The following AUTS2 variants were observed in gnomAD, a reference collection of about 807,000 sequenced individuals.
The protein encoded by AUTS2 is activator of transcription and developmental regulator AUTS2.
A neutral mutation model predicts 112.4 loss-of-function variants in AUTS2; 17 were observed. The ratio of observed to expected loss-of-function variants is 0.15; its 90% confidence interval spans 0.10 to 0.23. AUTS2 has a LOEUF of 0.23. AUTS2 is among the 10% of genes least tolerant of loss of function. The pLI is 1.00. For synonymous variants in AUTS2, 751 were observed against 702.7 expected, an observed-to-expected ratio of 1.07 and a Z score of -1.09; for missense variants, 1,510 against 1,701.6, an observed-to-expected ratio of 0.89 and a Z score of 1.98.
chr7:70,477,100 A>G (rs905139593), intron 5 of AUTS2, among the ~76,000 whole-genome samples: 2 of 152,092 alleles, frequency 1.3e-5, no homozygotes, highest in Non-Finnish European at 2.9e-5. Context: ...ATTTATTTTG[A>G]CCTCCCAACA....
At chr7:70,037,199 CAGAG>C (rs1333651029) in intron 2 of AUTS2, among the ~76,000 whole-genome samples, 2 of 151,818 alleles carry the variant, frequency 1.3e-5, no homozygotes, top group African/African-American at 4.8e-5. Flanking sequence ...GATAAAAATA[CAGAG>C]AGAGAATAAA....
At chr7:70,332,539 G>C (rs189781232) in intron 4 of AUTS2, among the ~76,000 whole-genome samples, 1 of 152,038 alleles carries the variant, frequency 6.6e-6, no homozygotes, top group Non-Finnish European at 1.5e-5. Flanking sequence ...AGCTGGAGGC[G>C]TCATGCTACC....
intron 3 of AUTS2, among the ~76,000 whole-genome samples, chr7:70,127,742 G>T (rs1045655520): frequency 6.6e-6 from 1 of 152,116 alleles, no homozygotes; most frequent in Non-Finnish European, 1.5e-5. Flanking sequence ...CTACACAGTT[G>T]TCTACTCTTA....
intron 5 of AUTS2, among the ~76,000 whole-genome samples, chr7:70,581,322 G>T (rs553980816): frequency 3.6e-4 from 55 of 152,274 alleles, no homozygotes; most frequent in African/African-American, 1.3e-3. Context: ...GGAGGCGGAG[G>T]TTGTGGTGAG....
At chr7:69,763,780 T>C (rs1788296326) in intron 1 of AUTS2, among the ~76,000 whole-genome samples, 1 of 152,208 alleles carries the variant, frequency 6.6e-6, no homozygotes, top group African/African-American at 2.4e-5. Context: ...TGTGGTTTTG[T>C]CATCATTATT....
intron 4 of AUTS2, among the ~76,000 whole-genome samples, chr7:70,351,129 C>T (rs1296361943): frequency 6.6e-6 from 1 of 151,548 alleles, no homozygotes; most frequent in Non-Finnish European, 1.5e-5. Flanking sequence ...CGGCTCACTG[C>T]AACCTCCGCC....
rs71068015 is a variant in AUTS2 at position 70,086,640 on chromosome 7, CAA to C, written c.523-31473_523-31472del. 3.9e-3 allele frequency among the ~76,000 whole-genome samples: 324 copies of C among 83,528 alleles called. 2 individuals are homozygous for C. The highest frequency in any genetic ancestry group is 5.5e-3 in the Non-Finnish European group (226 of 41,096). The allele number at this position is 83,528 out of a possible 152,430, so 54.8% of individuals were successfully genotyped here. A position where few individuals can be genotyped will look rare whatever the true frequency, so the allele number is the denominator to read the frequency against. On this transcript the variant is annotated intron_variant, in intron 2 of 18. Coordinates refer to ENST00000342771, the MANE Select transcript of AUTS2 (RefSeq NM_015570.4). ...TGGGCAGCTGAGTGAGACTCCATCT[CAA>C]AAAAAAAAAAAAAAAAAAGTTTTGT... is the stretch of plus-strand genomic sequence containing the variant.
intron 2 of AUTS2, among the ~76,000 whole-genome samples, chr7:70,110,795 C>CT (rs1258828468): frequency 6.7e-6 from 1 of 149,496 alleles, no homozygotes; most frequent in African/African-American, 2.5e-5. Flanking sequence ...TGAAACTTGT[C>CT]TAATTGCATT....
At chr7:69,799,672 A>G (rs547698815) in intron 1 of AUTS2, among the ~76,000 whole-genome samples, 1 of 152,246 alleles carries the variant, frequency 6.6e-6, no homozygotes, top group Non-Finnish European at 1.5e-5. Context: ...ATAATCATAC[A>G]TGGAATTTCT....
chr7:70,519,052 T>C (rs1396675612), intron 5 of AUTS2, among the ~76,000 whole-genome samples: 1 of 152,052 alleles, frequency 6.6e-6, no homozygotes, highest in Non-Finnish European at 1.5e-5. Flanking sequence ...TATGGACTTT[T>C]CTCCATTAAA....
chr7:70,089,419 A>G (rs188219970), intron 2 of AUTS2, among the ~76,000 whole-genome samples: 1 of 152,134 alleles, frequency 6.6e-6, no homozygotes. Flanking sequence ...TGCTATTGAT[A>G]TAGCTATTGC....
At chr7:70,109,292 CTG>C (rs1333674032) in intron 2 of AUTS2, among the ~76,000 whole-genome samples, 1 of 152,068 alleles carries the variant, frequency 6.6e-6, no homozygotes, top group East Asian at 1.9e-4. Flanking sequence ...AAGCTGAAAA[CTG>C]TACTAAAGCA....
chr7:70,464,779 A>G (rs1314711099), intron 5 of AUTS2, among the ~76,000 whole-genome samples: 1 of 152,212 alleles, frequency 6.6e-6, no homozygotes, highest in African/African-American at 2.4e-5. Context: ...AGGTTGAGGT[A>G]GGTCTAGGTT....
At chr7:69,926,892 A>G (rs1796038128) in intron 2 of AUTS2, among the ~76,000 whole-genome samples, 1 of 146,770 alleles carries the variant, frequency 6.8e-6, no homozygotes, top group African/African-American at 2.5e-5. Flanking sequence ...AAGATATGTA[A>G]GATATATAGC....
intron 4 of AUTS2, among the ~76,000 whole-genome samples, chr7:70,179,300 G>C (rs1809173204): frequency 6.6e-6 from 1 of 152,100 alleles, no homozygotes; most frequent in Non-Finnish European, 1.5e-5. Context: ...TGTTTTTAGT[G>C]GTTTATTTCT....
chr7:70,029,008 A>G (rs1488443303), intron 2 of AUTS2, among the ~76,000 whole-genome samples: 1 of 152,148 alleles, frequency 6.6e-6, no homozygotes, highest in African/African-American at 2.4e-5. Flanking sequence ...GGGTACTTGT[A>G]AAGTGCCCTT....
chr7:70,225,900 A>G (rs1209668672), intron 4 of AUTS2, among the ~76,000 whole-genome samples: 3 of 152,162 alleles, frequency 2.0e-5, no homozygotes, highest in Non-Finnish European at 4.4e-5. Context: ...TTGCATGATT[A>G]AAGTGTCCAT....
intron 2 of AUTS2, among the ~76,000 whole-genome samples, chr7:69,906,180 C>T (rs1795142526): frequency 6.6e-6 from 1 of 152,196 alleles, no homozygotes; most frequent in Non-Finnish European, 1.5e-5. Flanking sequence ...GAGGGTAGGA[C>T]AGAACTCCCT....
intron 5 of AUTS2, among the ~76,000 whole-genome samples, chr7:70,686,477 A>C (rs1331525199): frequency 6.6e-6 from 1 of 152,078 alleles, no homozygotes; most frequent in Non-Finnish European, 1.5e-5. Context: ...CACTAGACCA[A>C]CTACCTCTTA....
Sources: gnomAD v4.1 joint callset for allele counts (sites outside exome capture counted in the v4.1 genomes callset) on GRCh38, gnomAD v4.1.1 for gene constraint, MANE v1.5 for transcripts, NCBI Gene and HGNC (gene_info 2026-07-23, HGNC 2026-07-21) for gene names.